Variants in NTRK1 observed in about 807,000 individuals in gnomAD.
The protein encoded by NTRK1 is high affinity nerve growth factor receptor.
In NTRK1, 62 loss-of-function variants were observed where a neutral mutation model predicts 86.8. That is an observed-to-expected ratio of 0.71 (90% CI 0.58 to 0.88). The LOEUF (loss-of-function observed/expected upper bound fraction) is 0.88, where lower values mean the gene tolerates loss of function less well. NTRK1 is among the 40% of genes least tolerant of loss of function. NTRK1 has a pLI of 0.00. For synonymous variants in NTRK1, 469 were observed against 456.6 expected, an observed-to-expected ratio of 1.03 and a Z score of -0.35; for missense variants, 967 against 1,078.4, an observed-to-expected ratio of 0.90 and a Z score of 1.45.
rs2102900076 is a variant in NTRK1, at chr1:156,871,660, C to T, written c.755C>T (p.Ala252Val). 1 of 1,614,178 alleles carries T rather than the reference C, an allele frequency of 6.2e-7. No homozygotes were observed. Among genetic ancestry groups the T allele is most frequent in the Middle Eastern group, 1.6e-4 (1 of 6,062 alleles). ...CTGCCATCCCTGGGGCTGACCCTGG[C>T]CAATGTCACCAGTGACCTCAACAGG... ...GGLPSLGLTL[A>V]NVTSDLNRKN... The change falls in exon 7 of 17, where the codon GCC becomes GTC. Residue 252 changes from alanine (A) to valine (V), a missense_variant. Ala to Val is a moderately conservative substitution (Grantham distance 64, BLOSUM62 0). Transcript: ENST00000524377.
chr1:156,835,433 C>T (rs749613827), intron 1 of NTRK1, among the ~76,000 whole-genome samples: 4 of 151,606 alleles, frequency 2.6e-5, no homozygotes, highest in Non-Finnish European at 4.4e-5. Flanking sequence ...CAGGAAGCCT[C>T]GTTCTTTTAA....
intron 2 of NTRK1, chr1:156,849,437 TC>T: frequency 7.0e-7 from 1 of 1,424,354 alleles, no homozygotes. Flanking sequence ...GTTCTGGTTG[TC>T]CAGCACGTAG....
At chr1:156,872,130 C>T (rs1412480676) in intron 7 of NTRK1, among the ~76,000 whole-genome samples, 1 of 152,168 alleles carries the variant, frequency 6.6e-6, no homozygotes, top group Non-Finnish European at 1.5e-5. Context: ...TCTTTACGCT[C>T]GCTGCCTAAT....
At chr1:156,862,761 G>A (rs1219889137) in intron 1 of NTRK1, among the ~76,000 whole-genome samples, 1 of 152,200 alleles carries the variant, frequency 6.6e-6, no homozygotes, top group Non-Finnish European at 1.5e-5. Context: ...CCAGCCCACT[G>A]CATTCTCACC....
intron 6 of NTRK1, among the ~76,000 whole-genome samples, chr1:156,869,800 C>G (rs1036016437): frequency 6.6e-6 from 1 of 152,232 alleles, no homozygotes; most frequent in African/African-American, 2.4e-5. Flanking sequence ...ACTCAGTCGG[C>G]CTTGTTGACG....
At chr1:156,842,555 C>T in intron 2 of NTRK1, 1 of 1,496,756 alleles carries the variant, frequency 6.7e-7, no homozygotes, top group African/African-American at 1.4e-5. Context: ...CCCCTTGACC[C>T]ATTTGGCCAA....
chr1:156,844,587 G>A (rs773054027), intron 2 of NTRK1: 4 of 1,614,026 alleles, frequency 2.5e-6, no homozygotes, highest in Admixed American at 1.7e-5. Flanking sequence ...CCCAAACTTC[G>A]CATATCGAAG....
In NTRK1 at chr1:156,875,700, AGTGTGTGTGTGTGT is replaced by A. The variant is rs56185968; in HGVS notation, c.1501+57_1501+70del. 153 of 1,386,648 alleles carry A rather than the reference AGTGTGTGTGTGTGT, an allele frequency of 1.1e-4. 1 individual carries two copies. Among genetic ancestry groups the A allele is most frequent in the Admixed American group, 2.8e-4 (15 of 52,990 alleles). 85.9% of individuals were successfully genotyped at this position (1,386,648 alleles called of 1,614,324 possible). ...CTATGCTGGGTCAAGGGCAGGGACG[AGTGTGTGTGTGTGT>A]GTGTGTGTGTGTGTGTGTGTGTAGA... On this transcript the variant is annotated intron_variant, in intron 12 of 16. Transcript: ENST00000524377.
intron 1 of NTRK1, among the ~76,000 whole-genome samples, chr1:156,819,507 T>TTTATTC (rs1219712337): frequency 2.8e-5 from 4 of 141,528 alleles, no homozygotes; most frequent in African/African-American, 1.2e-4. Context: ...TTATTATTTT[T>TTTATTC]TTATTTTTAT....
Position 156,881,690 on chromosome 1 carries a change from G to T in NTRK1, c.*48G>T. The T allele has an allele frequency of 1.3e-6, 2 of 1,536,276 alleles. No homozygotes were observed. The highest frequency in any genetic ancestry group is 1.8e-6 in the Non-Finnish European group (2 of 1,135,958). On this transcript the variant is annotated 3_prime_UTR_variant, in exon 17 of 17. Transcript: ENST00000524377. ...GTGGTTAGCCGGAATACTGGGGCCT[G>T]CCCTCAGCATCCCCCATAGCTCCCA...
chr1:156,871,606 T>C lies in NTRK1; in HGVS notation c.718-17T>C, dbSNP rs1647558212. 6.2e-7 allele frequency: 1 copy of C among 1,611,982 alleles called. No individual in the cohort carries two copies. Among genetic ancestry groups the C allele is most frequent in the Non-Finnish European group, 8.5e-7 (1 of 1,178,804 alleles). On this transcript the variant is annotated splice_polypyrimidine_tract_variant and intron_variant, in intron 6 of 16. Coordinates refer to ENST00000524377, the MANE Select transcript of NTRK1 (RefSeq NM_002529.4). ...GCTAAAGCTCCTTCTTATTCCCCCC[T>C]CTCTTTCCTGATCTAGAAATCTGGG...
chr1:156,818,338 C>T (rs1654079761), intron 1 of NTRK1, among the ~76,000 whole-genome samples: 1 of 152,220 alleles, frequency 6.6e-6, no homozygotes, highest in Non-Finnish European at 1.5e-5. Context: ...AAAACATGCT[C>T]TAAATTTTTA....
intron 2 of NTRK1, chr1:156,845,251 C>G (rs1170620833): frequency 6.2e-7 from 1 of 1,611,470 alleles, no homozygotes; most frequent in Admixed American, 1.7e-5. Context: ...AGCTGTTGCC[C>G]CCCAGCCGGA....
intron 6 of NTRK1, among the ~76,000 whole-genome samples, chr1:156,870,917 T>C (rs147848061): frequency 6.6e-6 from 1 of 152,326 alleles, no homozygotes; most frequent in Non-Finnish European, 1.5e-5. Flanking sequence ...TGACGATGAT[T>C]CAGAATCAAG....
In NTRK1 at chr1:156,840,937, G is replaced by A. The variant is rs771856416; in HGVS notation, c.-63-1144G>A. ...TGGAGTGGGTGAGGAGTCAGGCTCT[G>A]CATCGGTGGTAGGCAGGGAGCCCCG... On this transcript the variant is annotated intron_variant, in intron 1 of 16. Coordinates refer to the NTRK1 transcript ENST00000392302. The A allele has an allele frequency of 1.4e-5, 23 of 1,614,016 alleles. No individual in the cohort carries two copies. The South Asian group carries it at 2.3e-4, about 16-fold the overall frequency.
At position 156,846,184 on chromosome 1, in the gene NTRK1, G is replaced by A. The variant is rs1655001157; in HGVS notation, c.50+3991G>A. 8 of 1,468,688 alleles carry A rather than the reference G, an allele frequency of 5.4e-6. No individual in the cohort carries two copies. In the East Asian group the frequency reaches 6.9e-5, roughly 13 times the overall value. The allele number at this position is 1,468,688 out of a possible 1,614,324, so 91.0% of individuals were successfully genotyped here. On this transcript the variant is annotated intron_variant, in intron 2 of 16. Coordinates refer to the NTRK1 transcript ENST00000392302. ...TTCCTCCTGAATACTATCTAGTAAT[G>A]AGCCCTCCTTTCTGGGGTCCAACAG...
At chr1:156,866,531 C>T (rs966696584) in intron 3 of NTRK1, among the ~76,000 whole-genome samples, 31 of 152,304 alleles carry the variant, frequency 2.0e-4, no homozygotes, top group African/African-American at 5.8e-4. Flanking sequence ...CCTCTGGCCC[C>T]GTCCTGGGCT....
In NTRK1 at chr1:156,845,696, C is replaced by A. The variant is rs1432718487; in HGVS notation, c.50+3503C>A. The A allele has an allele frequency of 4.3e-6, 7 of 1,613,106 alleles. No homozygotes were observed. In the East Asian group the frequency reaches 1.3e-4, roughly 31 times the overall value. On this transcript the variant is annotated intron_variant, in intron 2 of 16. Coordinates refer to the NTRK1 transcript ENST00000392302. ...AGGCCTCTTGCGCCTCCAGCGGGGG[C>A]AGAACCTGACCAGGAGGTGGGTGCT...
intron 7 of NTRK1, 86 bp from the exon 8 acceptor site, chr1:156,873,547 C>G (rs925887912): frequency 2.2e-5 from 26 of 1,166,762 alleles, no homozygotes; most frequent in Non-Finnish European, 3.1e-5. Context: ...GGGTTCTACT[C>G]GCTTTGCCCG....
Sources: allele counts gnomAD v4.1 joint callset (sites outside exome capture counted in the v4.1 genomes callset), GRCh38; gene constraint gnomAD v4.1.1; transcripts MANE v1.5; gene names NCBI Gene and HGNC (gene_info 2026-07-23, HGNC 2026-07-21).